FARS2: variants seen among roughly 807,000 people sequenced by gnomAD.
FARS2 encodes the protein phenylalanine--tRNA ligase, mitochondrial.
A neutral mutation model predicts 46.4 loss-of-function variants in FARS2; 40 were observed. The observed-to-expected ratio is 0.86, with a 90% CI of 0.67 to 1.12. The LOEUF (loss-of-function observed/expected upper bound fraction) is 1.12. Ranked by LOEUF, FARS2 falls within the 50% of genes most tolerant of loss-of-function variation. FARS2 has a pLI of 0.00. For synonymous variants in FARS2, 234 were observed against 214.9 expected (o/e 1.09, Z -0.78); for missense variants, 513 against 567.9 (o/e 0.90, Z 0.98).
At chr6:5,333,328 C>T (rs1300710027) in intron 1 of FARS2, among the ~76,000 whole-genome samples, 3 of 152,236 alleles carry the variant, frequency 2.0e-5, no homozygotes, top group South Asian at 2.1e-4. Flanking sequence ...ATAAGGACAT[C>T]GTGATTTTTT....
intron 6 of FARS2, among the ~76,000 whole-genome samples, chr6:5,629,995 T>G (rs1776226860): frequency 6.6e-6 from 1 of 152,124 alleles, no homozygotes; most frequent in Non-Finnish European, 1.5e-5. Context: ...ATTTAGTGAC[T>G]TTTGGACTTC....
intron 4 of FARS2, among the ~76,000 whole-genome samples, chr6:5,497,158 T>A (rs546769110): frequency 6.6e-6 from 1 of 152,328 alleles, no homozygotes; most frequent in African/African-American, 2.4e-5. Flanking sequence ...AATCCCTACT[T>A]ATAAGAATGG....
At chr6:5,456,010 A>G (rs1764832619) in intron 4 of FARS2, among the ~76,000 whole-genome samples, 1 of 152,170 alleles carries the variant, frequency 6.6e-6, no homozygotes, top group South Asian at 2.1e-4. Flanking sequence ...TGAGCCCAGG[A>G]GTACAAGACC....
At chr6:5,270,640 G>T (rs1245335157) in intron 1 of FARS2, among the ~76,000 whole-genome samples, 7 of 152,082 alleles carry the variant, frequency 4.6e-5, no homozygotes, top group Non-Finnish European at 1.5e-5. Context: ...ATGAATTAAT[G>T]TCACCACACT....
chr6:5,412,066 A>C (rs1761967629), intron 3 of FARS2, among the ~76,000 whole-genome samples: 1 of 151,982 alleles, frequency 6.6e-6, no homozygotes, highest in African/African-American at 2.4e-5. Context: ...TGTGAAGGAG[A>C]GATGGATTGG....
chr6:5,364,322 A>C lies in FARS2; in HGVS notation c.-21-4228A>C, dbSNP rs144134238. On this transcript the variant is annotated intron_variant, in intron 1 of 6. Transcript: ENST00000274680. ...CAAATAACGTTTCTAAGGATGATAC[A>C]TGGCACCTAAGAGATCAACCTAGGA... Among the ~76,000 whole-genome samples the C allele has an allele frequency of 3.9e-5, 6 of 152,346 alleles. No individual in the cohort carries two copies. The East Asian group carries it at 1.2e-3, about 29-fold the overall frequency.
At chr6:5,318,636 C>G (rs1769737043) in intron 1 of FARS2, among the ~76,000 whole-genome samples, 1 of 152,164 alleles carries the variant, frequency 6.6e-6, no homozygotes, top group Non-Finnish European at 1.5e-5. Context: ...GTACGCTGCA[C>G]AGAGTGGGAG....
intron 2 of FARS2, among the ~76,000 whole-genome samples, chr6:5,384,384 G>A: frequency 6.6e-6 from 1 of 152,236 alleles, no homozygotes; most frequent in Non-Finnish European, 1.5e-5. Flanking sequence ...TTTTTGGGGA[G>A]GCCGAGTTCA....
intron 4 of FARS2, among the ~76,000 whole-genome samples, chr6:5,516,243 T>C (rs1030256289): frequency 1.3e-5 from 2 of 152,212 alleles, no homozygotes; most frequent in African/African-American, 4.8e-5. Context: ...CACACATACT[T>C]TATTGGCTAG....
intron 4 of FARS2, among the ~76,000 whole-genome samples, chr6:5,494,711 C>T (rs1767343880): frequency 6.6e-6 from 1 of 152,096 alleles, no homozygotes; most frequent in Non-Finnish European, 1.5e-5. Context: ...CCATGTCTCC[C>T]TTGCTGTATT....
chr6:5,259,829 A>G (rs148700131), upstream of FARS2, among the ~76,000 whole-genome samples: 1 of 152,324 alleles, frequency 6.6e-6, no homozygotes, highest in African/African-American at 2.4e-5. Flanking sequence ...ACAAATCTAA[A>G]AAAAAATGCA....
intron 5 of FARS2, among the ~76,000 whole-genome samples, chr6:5,601,035 C>T (rs557277348): frequency 2.5e-4 from 38 of 152,232 alleles, no homozygotes; most frequent in African/African-American, 8.7e-4. Context: ...CTCTTTCTCT[C>T]CCCCTGCCAT....
At chr6:5,346,446 A>G (rs1757234221) in intron 1 of FARS2, among the ~76,000 whole-genome samples, 1 of 152,182 alleles carries the variant, frequency 6.6e-6, no homozygotes, top group Non-Finnish European at 1.5e-5. Flanking sequence ...ACTGAGCCCT[A>G]TGTGCCTGTT....
At chr6:5,558,608 C>T (rs973857609) in intron 5 of FARS2, among the ~76,000 whole-genome samples, 1 of 152,192 alleles carries the variant, frequency 6.6e-6, no homozygotes, top group East Asian at 1.9e-4. Context: ...ATGATCTCGG[C>T]TCACTGCAAA....
At chr6:5,608,903 C>T (rs1160621257) in intron 5 of FARS2, among the ~76,000 whole-genome samples, 1 of 148,904 alleles carries the variant, frequency 6.7e-6, no homozygotes, top group Non-Finnish European at 1.5e-5. Context: ...AAAAAAAAGA[C>T]ATTTATTCAG....
chr6:5,442,505 G>A (rs931594071), intron 4 of FARS2, among the ~76,000 whole-genome samples: 1 of 152,212 alleles, frequency 6.6e-6, no homozygotes, highest in African/African-American at 2.4e-5. Context: ...CGGGGATTGT[G>A]TGTGGGTGTA....
chr6:5,597,707 T>C (rs1035110225), intron 5 of FARS2, among the ~76,000 whole-genome samples: 9 of 152,312 alleles, frequency 5.9e-5, no homozygotes, highest in South Asian at 4.2e-4. Flanking sequence ...CGTGGAGAAA[T>C]TGAACTCATT....
At chr6:5,391,097 C>G in intron 2 of FARS2, among the ~76,000 whole-genome samples, 1 of 152,206 alleles carries the variant, frequency 6.6e-6, no homozygotes, top group Non-Finnish European at 1.5e-5. Flanking sequence ...CAGCTCAGCT[C>G]TGTTCATGAG....
chr6:5,569,807 G>T (rs1321645615), intron 5 of FARS2, among the ~76,000 whole-genome samples: 7 of 152,160 alleles, frequency 4.6e-5, no homozygotes, highest in Non-Finnish European at 2.9e-5. Context: ...TGCTGAGCAA[G>T]CACTGGCATG....
Sources: allele counts gnomAD v4.1 joint callset (sites outside exome capture counted in the v4.1 genomes callset), GRCh38; gene constraint gnomAD v4.1.1; transcripts MANE v1.5; gene names NCBI Gene and HGNC (gene_info 2026-07-23, HGNC 2026-07-21).